Variants in ZNF594 observed in about 807,000 individuals in gnomAD.
ZNF594 encodes zinc finger protein 594, also known as zinc finger protein HZF18.
For missense variants in ZNF594, 1,037 were observed against 964.6 expected, an observed-to-expected ratio of 1.08 and a Z score of -0.99; for synonymous variants, 336 against 309.4, an observed-to-expected ratio of 1.09 and a Z score of -0.90.
At chr17:5,187,340 C>G (rs1009335164) in intron 1 of ZNF594, among the ~76,000 whole-genome samples, 4 of 152,178 alleles carry the variant, frequency 2.6e-5, no homozygotes, top group African/African-American at 9.7e-5. Flanking sequence ...GGGAACCACC[C>G]CCATGATTCA....
chr17:5,177,075 A>T (rs1489794639), downstream of ZNF594, among the ~76,000 whole-genome samples: 1 of 152,002 alleles, frequency 6.6e-6, no homozygotes, highest in East Asian at 1.9e-4. Flanking sequence ...GGGTGCCTGT[A>T]GTCCCAGCTA....
rs199505747 is a variant in ZNF594, at chr17:5,182,415, A to T, written c.1842T>A (p.His614Gln). The T allele has an allele frequency of 7.1e-5, 114 of 1,613,566 alleles. No homozygotes were observed. The highest frequency in any genetic ancestry group is 9.2e-5 in the Non-Finnish European group (109 of 1,179,996). ...TFNQSSDLLR[H>Q]HRIHSGEKPY... ...GTTTTTCTCCACTGTGAATTCTATG[A>T]TGTCTCAGAAGGTCTGAGCTCTGAT... is the stretch of plus-strand genomic sequence containing the variant. Residue 614 changes from histidine (H) to glutamine (Q), a missense_variant, in exon 2 of 2, where the codon CAT (histidine) becomes CAA (glutamine). Transcript: ENST00000575779.
chr17:5,188,969 G>C (rs930707566), intron 1 of ZNF594, among the ~76,000 whole-genome samples: 4 of 151,682 alleles, frequency 2.6e-5, no homozygotes, highest in Non-Finnish European at 2.9e-5. Context: ...GGATGGTCTC[G>C]ATCTCCTGAC....
rs750785502 is a variant in ZNF594, at chr17:5,183,547, T to A, written c.710A>T (p.Lys237Met). Residue 237 changes from lysine to methionine, a missense_variant, in exon 2 of 2, where the codon AAG becomes ATG. By Grantham distance (95) the Lys-to-Met change is moderately conservative (BLOSUM62 -1). Coordinates refer to ENST00000575779, the MANE Select transcript of ZNF594 (RefSeq NM_032530.2). ...CCCACATTTATTGCATAAATATGGC[T>A]TCCCCCTACTGTGGATTCTCTGGTG... is the stretch of plus-strand genomic sequence containing the variant. ...VLHQRIHSRG[K>M]PYLCNKCGKA... 2 of 1,614,228 alleles carry A rather than the reference T, an allele frequency of 1.2e-6. No individual in the cohort carries two copies. The highest frequency in any genetic ancestry group is 2.2e-5 in the South Asian group (2 of 91,082).
Position 5,185,975 on chromosome 17 carries a change from G to A in ZNF594, c.-20-1699C>T, listed in dbSNP as rs763031852. Among the ~76,000 whole-genome samples, 12 of 152,268 alleles carry A rather than the reference G, an allele frequency of 7.9e-5. 1 individual carries two copies. Among genetic ancestry groups the A allele is most frequent in the Middle Eastern group, 6.8e-3 (2 of 294 alleles). ...CAGCCTCCCTCCTGGCTGCTTTCACGGGCTGGTGTTGAGTGTCTGCAGCTT... is the reference window on the plus strand; with the variant it reads ...CAGCCTCCCTCCTGGCTGCTTTCACAGGCTGGTGTTGAGTGTCTGCAGCTT... On this transcript the variant is annotated intron_variant, in intron 1 of 1. Transcript: ENST00000575779.
chr17:5,186,869 C>T (rs1331038432), intron 1 of ZNF594, among the ~76,000 whole-genome samples: 6 of 152,228 alleles, frequency 3.9e-5, no homozygotes, highest in Non-Finnish European at 8.8e-5. Context: ...CGACAAGTTC[C>T]TCATCTCCAT....
intron 1 of ZNF594, among the ~76,000 whole-genome samples, chr17:5,191,168 CTT>C (rs1014828294): frequency 3.3e-5 from 5 of 152,112 alleles, no homozygotes; most frequent in Admixed American, 3.3e-4. Context: ...AATAAGGACT[CTT>C]TAATTTGTCT....
At chr17:5,190,325 A>G (rs1165159962) in intron 1 of ZNF594, among the ~76,000 whole-genome samples, 1 of 152,168 alleles carries the variant, frequency 6.6e-6, no homozygotes, top group African/African-American at 2.4e-5. Context: ...CCGAGATCGC[A>G]CCACTGCACT....
chr17:5,190,714 T>G (rs556805328), intron 1 of ZNF594, among the ~76,000 whole-genome samples: 4 of 152,230 alleles, frequency 2.6e-5, no homozygotes, highest in African/African-American at 9.6e-5. Context: ...CTACTTTGTT[T>G]TAACCTGAGT....
chr17:5,186,391 G>A (rs932664269), intron 1 of ZNF594, among the ~76,000 whole-genome samples: 5 of 152,198 alleles, frequency 3.3e-5, no homozygotes, highest in Non-Finnish European at 5.9e-5. Context: ...GGGATGCAGC[G>A]CACCAAGTCC....
chr17:5,183,345 G>A lies in ZNF594; in HGVS notation c.912C>T (p.Phe304=). 6.2e-7 allele frequency: 1 copy of A among 1,613,804 alleles called. No homozygotes were observed. Among genetic ancestry groups the A allele is most frequent in the Non-Finnish European group, 8.5e-7 (1 of 1,180,036 alleles). ...PLKCNECEKA[F]RQHSHLTEHQ... is the part of the protein sequence containing the mutation. ...GTTCAGTAAGGTGAGAATGCTGCCT[G>A]AAGGCTTTTTCACATTCATTACATT... Residue 304 remains phenylalanine (F), a synonymous_variant, in exon 2 of 2, where the codon TTC becomes TTT. Transcript: ENST00000575779.
chr17:5,184,284 GA>G lies in ZNF594; in HGVS notation c.-20-9del. On this transcript the variant is annotated splice_polypyrimidine_tract_variant and intron_variant, in intron 1 of 1. Coordinates refer to ENST00000575779, the MANE Select transcript of ZNF594 (RefSeq NM_032530.2). ...TATTCCTGTCTTCAGAATCTGAAAT[GA>G]TAAGTAGATCATTCTATAATTCCTA... 6.3e-7 allele frequency: 1 copy of G among 1,591,954 alleles called. No individual in the cohort carries two copies. The highest frequency in any genetic ancestry group is 8.5e-7 in the Non-Finnish European group (1 of 1,171,496).
intron 1 of ZNF594, among the ~76,000 whole-genome samples, chr17:5,190,294 G>C (rs1253392371): frequency 7.9e-5 from 12 of 152,130 alleles, no homozygotes; most frequent in Admixed American, 7.2e-4. Flanking sequence ...CTTGAACCTG[G>C]GAGGCGGAGG....
rs1567826652 is a variant in ZNF594 at position 5,183,763 on chromosome 17, T to C, written c.494A>G (p.Asn165Ser). The C allele has an allele frequency of 1.2e-6, 2 of 1,613,212 alleles. No homozygotes were observed. Among genetic ancestry groups the C allele is most frequent in the Non-Finnish European group, 1.7e-6 (2 of 1,179,222 alleles). ...YVCNECGKDS[N>S]QSSNLIIHQR... ...ATGTATAATAAGATTTGAACTTTGA[T>C]TAGAGTCTTTCCCACATTCATTACA... is the stretch of plus-strand genomic sequence containing the variant. The change falls in exon 2 of 2, where the codon AAT becomes AGT. Residue 165 changes from asparagine to serine, a missense_variant. Asn to Ser is a conservative substitution (Grantham distance 46). Coordinates refer to ENST00000575779, the MANE Select transcript of ZNF594 (RefSeq NM_032530.2).
rs781031562 is a variant in ZNF594, at chr17:5,182,747, T to A, written c.1510A>T (p.Ile504Phe). ...CCACTATGAATTCTCCGATGTTGAA[T>A]AAGGAGTGAACGCCGCCTGAAGGCT... ...GKAFRRRSLL[I>F]QHRRIHSGEK... Residue 504 changes from isoleucine to phenylalanine, a missense_variant, in exon 2 of 2, where the codon ATT (isoleucine) becomes TTT (phenylalanine). Coordinates refer to ENST00000575779, the MANE Select transcript of ZNF594 (RefSeq NM_032530.2). The A allele has an allele frequency of 1.6e-5, 26 of 1,613,880 alleles. 1 individual carries two copies. In the South Asian group the frequency reaches 2.2e-4, roughly 14 times the overall value.
At position 5,188,978 on chromosome 17, in the gene ZNF594, A is replaced by G. The variant is rs146037392; in HGVS notation, c.-21+2770T>C. On this transcript the variant is annotated intron_variant, in intron 1 of 1. Coordinates refer to ENST00000575779, the MANE Select transcript of ZNF594 (RefSeq NM_032530.2). ...TAGCCAGGATGGTCTCGATCTCCTG[A>G]CCTCGTGATCTGCCCGCCTTGGCCT... Among the ~76,000 whole-genome samples, 1,116 of 151,902 alleles carry G rather than the reference A, an allele frequency of 7.3e-3. 20 individuals are homozygous for G. The highest frequency in any genetic ancestry group is 0.025 in the African/African-American group (1,031 of 41,424).
At position 5,179,594 on chromosome 17, in the gene ZNF594, A is replaced by T. The variant is rs1159864185; in HGVS notation, c.*2239T>A. ...TAAAAACATTCCATACTGTAACAAAAATTTCAATCTTTCAAAAGTCCAATA... is the reference window on the plus strand; with the variant it reads ...TAAAAACATTCCATACTGTAACAAATATTTCAATCTTTCAAAAGTCCAATA... On this transcript the variant is annotated 3_prime_UTR_variant, in exon 2 of 2. Transcript: ENST00000575779. 2 of 152,262 alleles carry T rather than the reference A, an allele frequency of 1.3e-5. No individual in the cohort carries two copies. Among genetic ancestry groups the T allele is most frequent in the African/African-American group, 4.8e-5 (2 of 41,438 alleles). 9.4% of individuals were successfully genotyped at this position (152,262 alleles called of 1,614,324 possible). A position where few individuals can be genotyped will look rare whatever the true frequency, so the allele number is the denominator to read the frequency against.
intron 1 of ZNF594, among the ~76,000 whole-genome samples, chr17:5,188,914 A>AT (rs1211776708): frequency 2.6e-5 from 4 of 151,646 alleles, no homozygotes; most frequent in South Asian, 4.2e-4. Context: ...CGCCCAGCTA[A>AT]TTTTTTGTAC....
chr17:5,189,433 C>T (rs755569564), intron 1 of ZNF594, among the ~76,000 whole-genome samples: 11 of 152,022 alleles, frequency 7.2e-5, no homozygotes, highest in South Asian at 6.2e-4. Flanking sequence ...AGAGATGGGG[C>T]TTGCCGTGTT....
Sources: allele counts gnomAD v4.1 joint callset (sites outside exome capture counted in the v4.1 genomes callset), GRCh38; gene constraint gnomAD v4.1.1; transcripts MANE v1.5; gene names NCBI Gene and HGNC (gene_info 2026-07-23, HGNC 2026-07-21).